Variants in ELAVL2 observed in about 807,000 individuals in gnomAD.
ELAVL2 encodes the protein ELAV-like protein 2.
A neutral mutation model predicts 34.6 loss-of-function variants in ELAVL2; 4 were observed. That is an observed-to-expected ratio of 0.12 (90% CI 0.06 to 0.26). ELAVL2 has a LOEUF of 0.26. ELAVL2 is among the 10% of genes least tolerant of loss of function. The pLI is 1.00. For synonymous variants in ELAVL2, 193 were observed against 154.8 expected, an observed-to-expected ratio of 1.25 and a Z score of -1.83; for missense variants, 432 against 442.8, an observed-to-expected ratio of 0.98 and a Z score of 0.22.
chr9:23,746,933 A>G (rs983523951), intron 2 of ELAVL2, among the ~76,000 whole-genome samples: 5 of 152,070 alleles, frequency 3.3e-5, no homozygotes. Flanking sequence ...TATACTTTAC[A>G]TCTTCGCTCA....
chr9:23,713,856 G>C (rs1209202450), intron 3 of ELAVL2, among the ~76,000 whole-genome samples: 1 of 152,240 alleles, frequency 6.6e-6, no homozygotes, highest in South Asian at 2.1e-4. Context: ...CCCATGTTAA[G>C]GAGTAAAAAC....
chr9:23,840,317 GTTT>G, the ELAVL2 span, among the ~76,000 whole-genome samples: 1 of 152,146 alleles, frequency 6.6e-6, no homozygotes, highest in Non-Finnish European at 1.5e-5. Flanking sequence ...TACCTGTGAG[GTTT>G]TTTTCTTTTC....
At chr9:23,739,541 C>G (rs1022639373) in intron 2 of ELAVL2, among the ~76,000 whole-genome samples, 1 of 152,002 alleles carries the variant, frequency 6.6e-6, no homozygotes, top group Non-Finnish European at 1.5e-5. Context: ...CCGCCACCGC[C>G]CCTACCCCCA....
chr9:23,768,164 C>T (rs2056672769), intron 1 of ELAVL2, among the ~76,000 whole-genome samples: 1 of 152,200 alleles, frequency 6.6e-6, no homozygotes, highest in Non-Finnish European at 1.5e-5. Flanking sequence ...TACTAGGTAT[C>T]AACAGAAATC....
rs199637833 is a variant in ELAVL2 at position 23,699,812 on chromosome 9, GTTTTTTTTTTTTTTTTTTTTTT to G, written c.713+1545_713+1566del. Among the ~76,000 whole-genome samples, 603 of 82,984 alleles carry G rather than the reference GTTTTTTTTTTTTTTTTTTTTTT, an allele frequency of 7.3e-3. 6 individuals are homozygous for G. The highest frequency in any genetic ancestry group is 0.01 in the East Asian group (23 of 2,234). The allele number at this position is 82,984 out of a possible 152,430, so 54.4% of individuals were successfully genotyped here. On this transcript the variant is annotated intron_variant, in intron 5 of 6. Coordinates refer to ENST00000397312, the MANE Select transcript of ELAVL2 (RefSeq NM_004432.5). ...CCATGGGAAGTCAAAGGTGGCAAAGGTTTTTTTTTTTTTTTTTTTTTTTTTTTTTTTTTTTTTTTTAATACCA... is the reference window on the plus strand; with the variant it reads ...CCATGGGAAGTCAAAGGTGGCAAAGGTTTTTTTTTTTTTTTTTTAATACCA...
intron 1 of ELAVL2, among the ~76,000 whole-genome samples, chr9:23,771,704 A>C (rs2136322527): frequency 6.6e-6 from 1 of 152,320 alleles, no homozygotes; most frequent in East Asian, 1.9e-4. Flanking sequence ...AAACTTTCAG[A>C]ATTCAAAGTA....
chr9:23,696,716 C>T (rs1157406537), intron 5 of ELAVL2, among the ~76,000 whole-genome samples: 3 of 151,974 alleles, frequency 2.0e-5, no homozygotes, highest in East Asian at 1.9e-4. Flanking sequence ...GTGATCCACC[C>T]GCCTTGGCCT....
At chr9:23,738,893 C>G (rs1293109589) in intron 2 of ELAVL2, among the ~76,000 whole-genome samples, 1 of 152,134 alleles carries the variant, frequency 6.6e-6, no homozygotes, top group East Asian at 1.9e-4. Flanking sequence ...TGGTAGAGCT[C>G]TATTTTCCTG....
chr9:23,695,994 A>C (rs1195508490), intron 5 of ELAVL2, among the ~76,000 whole-genome samples: 1 of 152,178 alleles, frequency 6.6e-6, no homozygotes, highest in Non-Finnish European at 1.5e-5. Flanking sequence ...AGGACCCTCC[A>C]AATTATGATA....
At chr9:23,785,654 C>T (rs989315122) in intron 1 of ELAVL2, among the ~76,000 whole-genome samples, 3 of 152,138 alleles carry the variant, frequency 2.0e-5, no homozygotes, top group Admixed American at 1.3e-4. Flanking sequence ...AGTATGAGTA[C>T]GAATCAGTCA....
At chr9:23,796,086 C>A (rs1379176783) in intron 1 of ELAVL2, among the ~76,000 whole-genome samples, 1 of 152,154 alleles carries the variant, frequency 6.6e-6, no homozygotes, top group Non-Finnish European at 1.5e-5. Flanking sequence ...AAAATTTGAA[C>A]AGTAATATAC....
At chr9:23,815,667 G>T (rs907961496) in intron 1 of ELAVL2, among the ~76,000 whole-genome samples, 2 of 152,100 alleles carry the variant, frequency 1.3e-5, no homozygotes, top group Admixed American at 1.3e-4. Context: ...ACAATCAAAG[G>T]TTAAGAAACC....
At chr9:23,722,731 C>G (rs929691230) in intron 3 of ELAVL2, among the ~76,000 whole-genome samples, 1 of 152,198 alleles carries the variant, frequency 6.6e-6, no homozygotes, top group African/African-American at 2.4e-5. Flanking sequence ...TTGAACAAAT[C>G]CCTTTTAACC....
At chr9:23,839,861 T>C in the ELAVL2 span, among the ~76,000 whole-genome samples, 2 of 152,166 alleles carry the variant, frequency 1.3e-5, no homozygotes, top group East Asian at 1.9e-4. Flanking sequence ...TTCACATGAA[T>C]ATAGTGGCTC....
At chr9:23,842,920 A>G in the ELAVL2 span, among the ~76,000 whole-genome samples, 68 of 152,242 alleles carry the variant, frequency 4.5e-4, no homozygotes, top group African/African-American at 1.5e-3. Context: ...ACTGGCTTCA[A>G]TGAACTGTAC....
chr9:23,725,212 T>G (rs2044780039), intron 3 of ELAVL2, among the ~76,000 whole-genome samples: 5 of 152,114 alleles, frequency 3.3e-5, no homozygotes, highest in Admixed American at 3.3e-4. Flanking sequence ...CCGGTGCCCC[T>G]TCCTCACCTA....
chr9:23,744,326 A>G (rs2049991815), intron 2 of ELAVL2, among the ~76,000 whole-genome samples: 1 of 152,232 alleles, frequency 6.6e-6, no homozygotes, highest in African/African-American at 2.4e-5. Flanking sequence ...ACACCACTCG[A>G]AGAAATGAAT....
chr9:23,814,561 G>C (rs142207553), intron 1 of ELAVL2, among the ~76,000 whole-genome samples: 8 of 152,222 alleles, frequency 5.3e-5, no homozygotes, highest in African/African-American at 1.7e-4. Context: ...AGAGGCACAG[G>C]ACAGAAAAGA....
At position 23,797,788 on chromosome 9, in the gene ELAVL2, C is replaced by A. The variant is rs539662524; in HGVS notation, c.-16+28018G>T. Among the ~76,000 whole-genome samples, 4 of 152,156 alleles carry A rather than the reference C, an allele frequency of 2.6e-5. No homozygotes were observed. In the South Asian group the frequency reaches 8.3e-4, roughly 32 times the overall value. On this transcript the variant is annotated intron_variant, in intron 1 of 6. Coordinates refer to ENST00000397312, the MANE Select transcript of ELAVL2 (RefSeq NM_004432.5). ...TGCTAAAAATACAAAATTAGGTGGG[C>A]GTGGTGGCGCATGCCTGTAATCCGA...
Sources: gnomAD v4.1 joint callset for allele counts (sites outside exome capture counted in the v4.1 genomes callset) on GRCh38, gnomAD v4.1.1 for gene constraint, MANE v1.5 for transcripts, NCBI Gene and HGNC (gene_info 2026-07-23, HGNC 2026-07-21) for gene names.